The following SORCS2 variants were observed in gnomAD, a reference collection of about 807,000 sequenced individuals.
SORCS2 encodes sortilin related VPS10 domain containing receptor 2, also known as VPS10 domain-containing receptor SorCS2.
In SORCS2, 100 loss-of-function variants were observed where a neutral mutation model predicts 141.6. The observed-to-expected ratio is 0.71, with a 90% CI of 0.60 to 0.83. The LOEUF (loss-of-function observed/expected upper bound fraction) is 0.83, where lower values mean the gene tolerates loss of function less well. Ranked by LOEUF, SORCS2 falls within the 40% of genes least tolerant of loss-of-function variation. The pLI, the probability that SORCS2 is intolerant of heterozygous loss-of-function variation, is 0.00. For missense variants in SORCS2, 1,646 were observed against 1,560.2 expected (o/e 1.05, Z -0.93); for synonymous variants, 789 against 676.9 (o/e 1.17, Z -2.57).
intron 4 of SORCS2, among the ~76,000 whole-genome samples, chr4:7,652,232 A>C (rs1721489359): frequency 6.6e-6 from 1 of 152,008 alleles, no homozygotes; most frequent in Non-Finnish European, 1.5e-5. Flanking sequence ...CTCTTCCATG[A>C]AGGAGGGGGA....
At chr4:7,433,773 C>T (rs1366429145) in intron 2 of SORCS2, 15 of 1,613,404 alleles carry the variant, frequency 9.3e-6, no homozygotes, top group Non-Finnish European at 1.3e-5. Flanking sequence ...GGGCCCGCCT[C>T]CGGTTGCCAC....
chr4:7,630,629 G>A (rs2108846945), intron 3 of SORCS2, among the ~76,000 whole-genome samples: 1 of 152,334 alleles, frequency 6.6e-6, no homozygotes, highest in South Asian at 2.1e-4. Context: ...CATCCAGCGA[G>A]CTGTGTGCAT....
chr4:7,537,766 G>A (rs1208760918), intron 3 of SORCS2, among the ~76,000 whole-genome samples: 1 of 152,168 alleles, frequency 6.6e-6, no homozygotes, highest in Non-Finnish European at 1.5e-5. Flanking sequence ...CCAGCACTTT[G>A]GGAGCAGAGG....
At chr4:7,276,577 A>G (rs1481296814) in intron 1 of SORCS2, among the ~76,000 whole-genome samples, 2 of 152,118 alleles carry the variant, frequency 1.3e-5, no homozygotes, top group East Asian at 3.9e-4. Context: ...CCCCCGCTCC[A>G]GGCCCCGGGA....
intron 1 of SORCS2, among the ~76,000 whole-genome samples, chr4:7,244,572 C>T (rs1451182227): frequency 3.3e-5 from 5 of 152,204 alleles, no homozygotes; most frequent in Admixed American, 6.5e-5. Flanking sequence ...GTGAAGCAGG[C>T]GTGGTGTGGG....
chr4:7,533,934 G>T (rs28536491), intron 3 of SORCS2, among the ~76,000 whole-genome samples: 113 of 151,924 alleles, frequency 7.4e-4, no homozygotes, highest in African/African-American at 2.6e-3. Flanking sequence ...GGCTGGGGCT[G>T]CGATGTGGGG....
chr4:7,301,915 G>A (rs1225528961), intron 1 of SORCS2, among the ~76,000 whole-genome samples: 3 of 152,176 alleles, frequency 2.0e-5, no homozygotes, highest in African/African-American at 4.8e-5. Flanking sequence ...CAGTGCCATG[G>A]CGCCTCTCCT....
In SORCS2 at chr4:7,737,596, C is replaced by T. The variant is rs570219765; in HGVS notation, c.3415+424C>T. 2.4e-4 allele frequency among the ~76,000 whole-genome samples: 36 copies of T among 152,302 alleles called. No individual in the cohort carries two copies. In the South Asian group the frequency reaches 5.8e-3, roughly 25 times the overall value. ...CACTGCAGTGGTGATCTAGGGAGCACGCCACACATGGACCTGCGGCACTGC... is the reference window on the plus strand; with the variant it reads ...CACTGCAGTGGTGATCTAGGGAGCATGCCACACATGGACCTGCGGCACTGC... On this transcript the variant is annotated intron_variant, in intron 26 of 26. Transcript: ENST00000507866.
intron 3 of SORCS2, among the ~76,000 whole-genome samples, chr4:7,569,230 A>T (rs1015138469): frequency 6.6e-6 from 1 of 152,192 alleles, no homozygotes; most frequent in African/African-American, 2.4e-5. Context: ...ATATCCACAG[A>T]GGCTGGGTGT....
At position 7,589,972 on chromosome 4, in the gene SORCS2, C is replaced by T. The variant is rs538240672; in HGVS notation, c.649-48356C>T. On this transcript the variant is annotated intron_variant, in intron 3 of 26. Transcript: ENST00000507866. Reference sequence around the variant, plus strand: ...TGTGACTGCCTGGGGCACGGAATGGCGGGGCTATTGGAGCAGCAAGGAGAC... The same window carrying T: ...TGTGACTGCCTGGGGCACGGAATGGTGGGGCTATTGGAGCAGCAAGGAGAC... 5.3e-5 allele frequency among the ~76,000 whole-genome samples: 8 copies of T among 152,140 alleles called. No homozygotes were observed. The South Asian group carries it at 1.0e-3, about 20-fold the overall frequency.
At chr4:7,403,997 A>ATATATATATATATATATATATT (rs1265288820) in intron 2 of SORCS2, among the ~76,000 whole-genome samples, 8 of 18,938 alleles carry the variant, frequency 4.2e-4, no homozygotes, top group South Asian at 1.7e-3. Flanking sequence ...ATATATATAT[A>ATATATATATATATATATATATT]TTTTTTTTTT....
intron 2 of SORCS2, among the ~76,000 whole-genome samples, chr4:7,477,385 ATTG>A (rs1254201804): frequency 5.9e-5 from 8 of 135,370 alleles, no homozygotes; most frequent in Non-Finnish European, 8.4e-5. Flanking sequence ...ACCGTGGCTG[ATTG>A]GGGCTGACAT....
rs768340326 is a variant in SORCS2, at chr4:7,725,273, G to A, written c.2731G>A (p.Gly911Ser). The change falls in exon 20 of 27, where the codon GGC becomes AGC. Residue 911 changes from glycine to serine, a missense_variant. Coordinates refer to ENST00000507866, the MANE Select transcript of SORCS2 (RefSeq NM_020777.3). ...CCTCACCGTCTTCTACTGGTGGATCGGCCACAGCCTGCAGGTGCGCTGGCT... is the reference window on the plus strand; with the variant it reads ...CCTCACCGTCTTCTACTGGTGGATCAGCCACAGCCTGCAGGTGCGCTGGCT... Reference protein sequence around the residue: ...PNLTVFYWWIGHSLQPLLSLD... With the variant: ...PNLTVFYWWISHSLQPLLSLD... The A allele has an allele frequency of 2.5e-5, 40 of 1,613,122 alleles. 1 individual carries two copies. The highest frequency in any genetic ancestry group is 3.1e-5 in the Non-Finnish European group (37 of 1,179,524).
intron 2 of SORCS2, among the ~76,000 whole-genome samples, chr4:7,480,769 C>T (rs1730581455): frequency 6.6e-6 from 1 of 152,224 alleles, no homozygotes; most frequent in Admixed American, 6.5e-5. Flanking sequence ...GCCCCAGGCT[C>T]CCCAGCTCGC....
At chr4:7,705,069 A>G (rs1725336531) in intron 14 of SORCS2, among the ~76,000 whole-genome samples, 1 of 152,074 alleles carries the variant, frequency 6.6e-6, no homozygotes, top group African/African-American at 2.4e-5. Context: ...AAATGGGGTT[A>G]TTGTCAATGT....
At chr4:7,556,668 C>G (rs950619652) in intron 3 of SORCS2, among the ~76,000 whole-genome samples, 4 of 152,030 alleles carry the variant, frequency 2.6e-5, no homozygotes, top group Admixed American at 6.6e-5. Flanking sequence ...ATCTATCCAT[C>G]CATCCATCCA....
At chr4:7,708,365 C>T (rs1416237616) in intron 14 of SORCS2, among the ~76,000 whole-genome samples, 3 of 152,202 alleles carry the variant, frequency 2.0e-5, no homozygotes, top group Non-Finnish European at 4.4e-5. Context: ...AGCTCTGCTT[C>T]CCAGCTGGGG....
At chr4:7,542,785 G>A (rs35789691) in intron 3 of SORCS2, among the ~76,000 whole-genome samples, 23,466 of 152,268 alleles carry the variant, frequency 0.15, 1,871 homozygotes, top group African/African-American at 0.2. Context: ...AGATGGGGAG[G>A]CCAAGGCTCA....
At chr4:7,569,769 A>G (rs1305497363) in intron 3 of SORCS2, among the ~76,000 whole-genome samples, 3 of 152,174 alleles carry the variant, frequency 2.0e-5, no homozygotes, top group African/African-American at 7.2e-5. Flanking sequence ...TGTATACACA[A>G]CACACGTCTG....
Sources: gnomAD v4.1 joint callset for allele counts (sites outside exome capture counted in the v4.1 genomes callset) on GRCh38, gnomAD v4.1.1 for gene constraint, MANE v1.5 for transcripts, NCBI Gene and HGNC (gene_info 2026-07-23, HGNC 2026-07-21) for gene names.